WDR19: variants seen among roughly 807,000 people sequenced by gnomAD.
WDR19 encodes the protein WD repeat domain 19, also known as WD repeat-containing protein 19.
WDR19 carries 121 observed loss-of-function variants against 180.0 expected under a neutral mutation model. The observed-to-expected ratio is 0.67, with a 90% CI of 0.58 to 0.78. The LOEUF (loss-of-function observed/expected upper bound fraction) is 0.78. WDR19 is among the 30% of genes least tolerant of loss of function. The pLI, the probability that WDR19 is intolerant of heterozygous loss-of-function variation, is 0.00. For missense variants in WDR19, 1,450 were observed against 1,640.7 expected, an observed-to-expected ratio of 0.88 and a Z score of 2.01; for synonymous variants, 497 against 540.7, an observed-to-expected ratio of 0.92 and a Z score of 1.12.
chr4:39,253,038 A>C, intron 24 of WDR19, 108 bp from the exon 25 acceptor site: 1 of 1,086,436 alleles, frequency 9.2e-7, no homozygotes, highest in Non-Finnish European at 1.3e-6. Context: ...TTCAGGAAAA[A>C]TAAGCAGTCA....
chr4:39,200,113 A>C (rs1356991107), intron 6 of WDR19, among the ~76,000 whole-genome samples: 3 of 152,254 alleles, frequency 2.0e-5, no homozygotes, highest in African/African-American at 7.2e-5. Flanking sequence ...CAGTAGCTAC[A>C]TAATGTGGCC....
chr4:39,241,871 C>A (rs1731992083), intron 21 of WDR19, among the ~76,000 whole-genome samples: 1 of 149,868 alleles, frequency 6.7e-6, no homozygotes, highest in South Asian at 2.1e-4. Context: ...TTAATGGTAA[C>A]TACTGTTAAT....
In WDR19 at chr4:39,253,555, A is replaced by G. The variant is rs1273203497; in HGVS notation, c.2876+263A>G. Among the ~76,000 whole-genome samples the G allele has an allele frequency of 5.3e-5, 8 of 152,148 alleles. No individual in the cohort carries two copies. The East Asian group carries it at 1.5e-3, about 29-fold the overall frequency. ...CACTTTGGGAGGCTGAGGCAGGTGGATCACCTGAGGTCAGGAGTTTGAGAC... is the reference window on the plus strand; with the variant it reads ...CACTTTGGGAGGCTGAGGCAGGTGGGTCACCTGAGGTCAGGAGTTTGAGAC... On this transcript the variant is annotated intron_variant, in intron 25 of 36. Transcript: ENST00000399820.
At position 39,266,105 on chromosome 4, in the gene WDR19, G is replaced by A. The variant is rs1421595214; in HGVS notation, c.3226G>A (p.Asp1076Asn). The stretch of plus-strand genomic sequence containing the variant: ...TGAACTGCTGACCAATCAGCTGATA[G>A]ACCATCTCCTGGGGGAGAACGATGG... The part of the protein sequence containing the change: ...KDELLTNQLI[D>N]HLLGENDGMP... The change falls in exon 29 of 37, where the codon GAC becomes AAC. Residue 1076 changes from aspartate (D) to asparagine (N), a missense_variant. Asp to Asn is a conservative substitution (Grantham distance 23). Coordinates refer to ENST00000399820, the MANE Select transcript of WDR19 (RefSeq NM_025132.4). 7 of 1,562,550 alleles carry A rather than the reference G, an allele frequency of 4.5e-6. No individual in the cohort carries two copies. The highest frequency in any genetic ancestry group is 6.1e-6 in the Non-Finnish European group (7 of 1,152,912).
Position 39,266,077 on chromosome 4 carries a change from A to G in WDR19, c.3198A>G (p.Lys1066=). 1 of 1,556,352 alleles carries G rather than the reference A, an allele frequency of 6.4e-7. No homozygotes were observed. Among genetic ancestry groups the G allele is most frequent in the Non-Finnish European group, 8.7e-7 (1 of 1,149,576 alleles). The change falls in exon 29 of 37, where the codon AAA becomes AAG. Residue 1066 remains lysine, a synonymous_variant. Transcript: ENST00000399820. ...TTATTAAACAGGTTGGTCAGGCCAA[A>G]GATGAACTGCTGACCAATCAGCTGA... is the stretch of plus-strand genomic sequence containing the variant. The part of the protein sequence containing the change: ...EMAIETVGQA[K]DELLTNQLID...
chr4:39,230,430 T>G (rs1730719008), intron 17 of WDR19, among the ~76,000 whole-genome samples: 1 of 150,264 alleles, frequency 6.7e-6, no homozygotes, highest in African/African-American at 2.5e-5. Context: ...GGATGCAGTA[T>G]ACACAGTGGT....
chr4:39,189,400 T>G (rs1725913795), intron 3 of WDR19, among the ~76,000 whole-genome samples: 1 of 152,138 alleles, frequency 6.6e-6, no homozygotes, highest in Admixed American at 6.5e-5. Context: ...TCTGCTAACT[T>G]AAGTATGATT....
Position 39,194,519 on chromosome 4 carries a change from A to T in WDR19, c.291-25A>T, listed in dbSNP as rs774212359. The T allele has an allele frequency of 8.1e-6, 12 of 1,476,792 alleles. No individual in the cohort carries two copies. In the East Asian group the frequency reaches 2.7e-4, roughly 34 times the overall value. The allele number at this position is 1,476,792 out of a possible 1,614,324, so 91.5% of individuals were successfully genotyped here. ...TAGAGGTTATGATCGTGAATTGTTT[A>T]GTAATTTATATCTTAATGTTACAGG... On this transcript the variant is annotated intron_variant, in intron 4 of 36. Coordinates refer to ENST00000399820, the MANE Select transcript of WDR19 (RefSeq NM_025132.4).
intron 21 of WDR19, among the ~76,000 whole-genome samples, chr4:39,242,849 G>A (rs1457849865): frequency 6.6e-6 from 1 of 152,008 alleles, no homozygotes; most frequent in East Asian, 1.9e-4. Flanking sequence ...TTTGTATTTG[G>A]TAGAGACAGG....
intron 19 of WDR19, among the ~76,000 whole-genome samples, chr4:39,233,450 G>A (rs377269382): frequency 6.6e-6 from 1 of 152,102 alleles, no homozygotes; most frequent in South Asian, 2.1e-4. Context: ...TCTAACCCAC[G>A]GGATATTTGT....
chr4:39,219,632 ATTTGG>A (rs1217786525), intron 14 of WDR19, among the ~76,000 whole-genome samples: 1 of 152,170 alleles, frequency 6.6e-6, no homozygotes, highest in East Asian at 1.9e-4. Context: ...TAAGGATTTA[ATTTGG>A]TGATGAACAT....
chr4:39,205,160 G>C lies in WDR19; in HGVS notation c.610G>C (p.Val204Leu). 6.3e-7 allele frequency: 1 copy of C among 1,581,800 alleles called. No individual in the cohort carries two copies. The highest frequency in any genetic ancestry group is 8.6e-7 in the Non-Finnish European group (1 of 1,162,324). The change falls in exon 8 of 37, where the codon GTG becomes CTG. Residue 204 changes from valine (V) to leucine (L), a missense_variant. Coordinates refer to ENST00000399820, the MANE Select transcript of WDR19 (RefSeq NM_025132.4). ...TCCTAATCTTTTCTGGCAGATAAGT[G>C]TGGTGCTTGGCAAGAAAACTTTGTT... Reference protein sequence around the residue: ...RTSAAESMISVVLGKKTLFFL... With the variant: ...RTSAAESMISLVLGKKTLFFL...
At chr4:39,264,921 G>GTT (rs10647012) in intron 28 of WDR19, among the ~76,000 whole-genome samples, 12,553 of 141,798 alleles carry the variant, frequency 0.089, 716 homozygotes, top group Middle Eastern at 0.17. Flanking sequence ...TGGAGATGAC[G>GTT]TTTTTTTTTT....
chr4:39,267,588 G>A (rs771236148), intron 29 of WDR19, among the ~76,000 whole-genome samples: 3 of 152,240 alleles, frequency 2.0e-5, no homozygotes, highest in Non-Finnish European at 4.4e-5. Flanking sequence ...AGTTTGCAAA[G>A]TTCATATATC....
intron 31 of WDR19, among the ~76,000 whole-genome samples, chr4:39,272,357 C>T (rs1477901031): frequency 6.6e-6 from 1 of 152,180 alleles, no homozygotes; most frequent in Non-Finnish European, 1.5e-5. Context: ...GGCATCATTC[C>T]ACACTCTCAC....
At chr4:39,186,121 C>A (rs568954111) in intron 2 of WDR19, among the ~76,000 whole-genome samples, 54 of 152,154 alleles carry the variant, frequency 3.5e-4, no homozygotes, top group African/African-American at 1.2e-3. Flanking sequence ...TATGCAAATT[C>A]TGAAACTATC....
At chr4:39,207,356 C>T (rs551942232) in intron 9 of WDR19, among the ~76,000 whole-genome samples, 136 of 152,166 alleles carry the variant, frequency 8.9e-4, no homozygotes, top group African/African-American at 2.8e-3. Flanking sequence ...TTTGTGTCTT[C>T]GGAATCCCAA....
At chr4:39,272,235 G>A (rs575754562) in intron 31 of WDR19, among the ~76,000 whole-genome samples, 66 of 152,268 alleles carry the variant, frequency 4.3e-4, no homozygotes, top group African/African-American at 1.3e-3. Flanking sequence ...TGAAAGATGC[G>A]GGGCAAAAAT....
intron 28 of WDR19, among the ~76,000 whole-genome samples, chr4:39,262,960 A>G (rs772538077): frequency 5.3e-5 from 8 of 151,968 alleles, no homozygotes; most frequent in Non-Finnish European, 7.4e-5. Flanking sequence ...TTTACTCGTG[A>G]CTTGCATTTT....
Sources: gnomAD v4.1 joint callset for allele counts (sites outside exome capture counted in the v4.1 genomes callset) on GRCh38, gnomAD v4.1.1 for gene constraint, MANE v1.5 for transcripts, NCBI Gene and HGNC (gene_info 2026-07-23, HGNC 2026-07-21) for gene names.